MCTP2: variants seen among roughly 807,000 people sequenced by gnomAD.
MCTP2 encodes the protein multiple C2 and transmembrane domain-containing protein 2.
A neutral mutation model predicts 111.6 loss-of-function variants in MCTP2; 132 were observed. That is an observed-to-expected ratio of 1.18 (90% CI 1.03 to 1.37). The LOEUF (loss-of-function observed/expected upper bound fraction) is 1.37. Among genes scored for constraint, MCTP2 ranks in the 40% most tolerant of loss-of-function variants. MCTP2 has a pLI of 0.00. For missense variants in MCTP2, 1,183 were observed against 1,067.9 expected, an observed-to-expected ratio of 1.11 and a Z score of -1.50; for synonymous variants, 395 against 387.7, an observed-to-expected ratio of 1.02 and a Z score of -0.22.
intron 1 of MCTP2, among the ~76,000 whole-genome samples, chr15:94,290,281 G>A (rs1469001016): frequency 6.6e-6 from 1 of 151,954 alleles, no homozygotes; most frequent in African/African-American, 2.4e-5. Context: ...ATTTGTTATG[G>A]GAGCAATACA....
At chr15:94,301,338 C>T (rs765955324) in intron 2 of MCTP2, among the ~76,000 whole-genome samples, 1 of 152,204 alleles carries the variant, frequency 6.6e-6, no homozygotes, top group Non-Finnish European at 1.5e-5. Flanking sequence ...TCACCGGCTC[C>T]TCCCCTCAGT....
At chr15:94,405,482 G>A (rs1567641244) in intron 17 of MCTP2, among the ~76,000 whole-genome samples, 1 of 152,170 alleles carries the variant, frequency 6.6e-6, no homozygotes, top group Non-Finnish European at 1.5e-5. Context: ...GGTCCGCATG[G>A]TGTCTCGTCA....
chr15:94,381,691 A>T (rs571149205), intron 12 of MCTP2, among the ~76,000 whole-genome samples: 1 of 152,216 alleles, frequency 6.6e-6, no homozygotes, highest in Non-Finnish European at 1.5e-5. Flanking sequence ...ACGGTTAAGT[A>T]GCTGTTTCAG....
At chr15:94,253,452 T>TA (rs2072570804) in intron 1 of MCTP2, among the ~76,000 whole-genome samples, 1 of 152,214 alleles carries the variant, frequency 6.6e-6, no homozygotes, top group African/African-American at 2.4e-5. Flanking sequence ...ATCAGCAAAT[T>TA]ACAAAATTCA....
chr15:94,352,833 G>A (rs1319107235), intron 8 of MCTP2, among the ~76,000 whole-genome samples: 3 of 152,182 alleles, frequency 2.0e-5, no homozygotes, highest in Non-Finnish European at 2.9e-5. Context: ...GCACACAATA[G>A]ATGGCCCAGG....
At chr15:94,345,252 C>A in intron 8 of MCTP2, 88 bp downstream of exon 8, 1 of 1,207,980 alleles carries the variant, frequency 8.3e-7, no homozygotes, top group Non-Finnish European at 1.2e-6. Flanking sequence ...AGATATTACC[C>A]AATCTTTACA....
Position 94,479,210 on chromosome 15 carries a change from C to CAT in MCTP2, c.*177_*178dup. ...ACATACACACATGTGCACACACCCT[C>CAT]ATGCATGGGTGTCCTAGTTGCGTAG... On this transcript the variant is annotated 3_prime_UTR_variant, in exon 23 of 23. Transcript: ENST00000357742. 3.1e-6 allele frequency: 2 copies of CAT among 640,646 alleles called. No homozygotes were observed. Among genetic ancestry groups the CAT allele is most frequent in the Non-Finnish European group, 5.6e-6 (2 of 354,104 alleles). The allele number at this position is 640,646 out of a possible 1,614,324, so 39.7% of individuals were successfully genotyped here.
At chr15:94,393,212 C>T (rs2081093329) in intron 14 of MCTP2, among the ~76,000 whole-genome samples, 1 of 152,026 alleles carries the variant, frequency 6.6e-6, no homozygotes, top group South Asian at 2.1e-4. Context: ...AACAGGAAAA[C>T]ATTTTTAAAA....
intron 12 of MCTP2, among the ~76,000 whole-genome samples, chr15:94,373,197 G>T (rs10852208): frequency 0.29 from 44,563 of 151,976 alleles, 7,560 homozygotes; most frequent in African/African-American, 0.45. Context: ...TTCAAGCCAC[G>T]GGAATCAAAT....
intron 1 of MCTP2, among the ~76,000 whole-genome samples, chr15:94,291,066 T>C (rs1298581456): frequency 1.3e-5 from 2 of 152,184 alleles, no homozygotes; most frequent in Admixed American, 6.5e-5. Context: ...TCAACCATAG[T>C]AGCATATACA....
chr15:94,291,608 GAA>G (rs879791035), intron 1 of MCTP2, among the ~76,000 whole-genome samples: 1 of 107,420 alleles, frequency 9.3e-6, no homozygotes. Flanking sequence ...TCTCAAAAAA[GAA>G]AAAAAAAAAA....
chr15:94,301,503 G>T (rs1422012577), intron 2 of MCTP2, among the ~76,000 whole-genome samples: 1 of 152,232 alleles, frequency 6.6e-6, no homozygotes, highest in South Asian at 2.1e-4. Context: ...AGGCTGTGTT[G>T]ATTTGGAGGA....
chr15:94,461,736 A>G (rs1294916108), intron 20 of MCTP2, among the ~76,000 whole-genome samples: 1 of 152,138 alleles, frequency 6.6e-6, no homozygotes, highest in Non-Finnish European at 1.5e-5. Context: ...ATGTGAAAAA[A>G]TACTAAGCAG....
chr15:94,330,847 A>G (rs931125620), intron 4 of MCTP2, among the ~76,000 whole-genome samples: 3 of 145,588 alleles, frequency 2.1e-5, no homozygotes, highest in African/African-American at 8.5e-5. Flanking sequence ...CAGTCCCCCG[A>G]CTTTAGCCCC....
intron 17 of MCTP2, among the ~76,000 whole-genome samples, chr15:94,424,975 AT>A (rs1438264155): frequency 1.3e-5 from 2 of 151,390 alleles, no homozygotes; most frequent in Admixed American, 6.6e-5. Context: ...TATTTTTTTC[AT>A]GCTGTTTGTT....
chr15:94,271,007 C>T (rs2073879599), intron 1 of MCTP2, among the ~76,000 whole-genome samples: 1 of 152,142 alleles, frequency 6.6e-6, no homozygotes, highest in Non-Finnish European at 1.5e-5. Context: ...TATTTTAAAA[C>T]AGCAATGGCA....
rs1261579541 is a variant in MCTP2 at position 94,476,629 on chromosome 15, TAGATAGATAGATAGATAGATAGAC to T, written c.2471-63_2471-40del. Reference sequence around the variant, plus strand: ...ACAGATAGATAGATAGATAGATAGATAGATAGATAGATAGATAGATAGACAGACAGACAGATAAAGAGATCTCCT... The same window carrying T: ...ACAGATAGATAGATAGATAGATAGATAGACAGACAGATAAAGAGATCTCCT... On this transcript the variant is annotated intron_variant, in intron 21 of 22. Transcript: ENST00000357742. The T allele has an allele frequency of 2.8e-4, 224 of 811,980 alleles. 4 individuals carry two copies. The South Asian group carries it at 2.9e-3, about 11-fold the overall frequency. The allele number at this position is 811,980 out of a possible 1,614,324, so 50.3% of individuals were successfully genotyped here.
intron 17 of MCTP2, among the ~76,000 whole-genome samples, chr15:94,417,085 G>A (rs890756067): frequency 2.0e-5 from 3 of 152,110 alleles, no homozygotes; most frequent in Non-Finnish European, 2.9e-5. Flanking sequence ...GGTGGTGATG[G>A]TTTAGACATC....
intron 17 of MCTP2, among the ~76,000 whole-genome samples, chr15:94,435,579 T>G (rs901303445): frequency 2.0e-5 from 3 of 151,632 alleles, no homozygotes; most frequent in Admixed American, 6.6e-5. Context: ...TAGGATTTTG[T>G]ACATTTAAAA....
Sources: allele counts gnomAD v4.1 joint callset (sites outside exome capture counted in the v4.1 genomes callset), GRCh38; gene constraint gnomAD v4.1.1; transcripts MANE v1.5; gene names NCBI Gene and HGNC (gene_info 2026-07-23, HGNC 2026-07-21).